Variants in NREP observed in about 807,000 individuals in gnomAD.
NREP encodes the protein neuronal regeneration-related protein.
In NREP, 5 loss-of-function variants were observed where a neutral mutation model predicts 8.6. The ratio of observed to expected loss-of-function variants is 0.58; its 90% confidence interval spans 0.30 to 1.22. NREP has a LOEUF of 1.22. Ranked by LOEUF, NREP falls within the 50% of genes most tolerant of loss-of-function variation. The pLI, the probability that NREP is intolerant of heterozygous loss-of-function variation, is 0.07. For missense variants in NREP, 86 were observed against 82.5 expected, an observed-to-expected ratio of 1.04 and a Z score of -0.17; for synonymous variants, 27 against 28.0, an observed-to-expected ratio of 0.96 and a Z score of 0.11.
At chr5:111,839,319 C>T (rs570837334) in intron 2 of NREP, among the ~76,000 whole-genome samples, 35 of 152,088 alleles carry the variant, frequency 2.3e-4, no homozygotes, top group Non-Finnish European at 4.7e-4. Context: ...GCATGAAGGG[C>T]AATGACCAGA....
At chr5:111,903,178 G>A (rs1196307831) in intron 2 of NREP, among the ~76,000 whole-genome samples, 1 of 150,392 alleles carries the variant, frequency 6.6e-6, no homozygotes, top group African/African-American at 2.5e-5. Flanking sequence ...CCACCTCCCG[G>A]GTTCAAATGA....
chr5:111,965,090 GC>G (rs946757471), intron 2 of NREP, among the ~76,000 whole-genome samples: 3 of 151,772 alleles, frequency 2.0e-5, no homozygotes, highest in African/African-American at 7.3e-5. Context: ...CTCAGGCCAG[GC>G]CCCTCATAAT....
rs868617852 is a variant in NREP at position 111,844,834 on chromosome 5, T to A, written c.136-109327A>T. Among the ~76,000 whole-genome samples the A allele has an allele frequency of 4.6e-5, 7 of 151,228 alleles. No individual in the cohort carries two copies. In the South Asian group the frequency reaches 1.5e-3, roughly 32 times the overall value. On this transcript the variant is annotated intron_variant, in intron 2 of 3. Transcript: ENST00000395634. ...ATTCCTAACAAGGGCTATGTGCACT[T>A]GTTATATGCAAATTGTGTGAATTGT...
intron 2 of NREP, among the ~76,000 whole-genome samples, chr5:111,907,781 C>T (rs1045946663): frequency 6.6e-6 from 1 of 151,976 alleles, no homozygotes; most frequent in Admixed American, 6.6e-5. Flanking sequence ...CTTAATAAGA[C>T]ACTTCTTCCA....
chr5:111,844,207 T>G (rs1266676043), intron 2 of NREP, among the ~76,000 whole-genome samples: 1 of 152,140 alleles, frequency 6.6e-6, no homozygotes, highest in African/African-American at 2.4e-5. Context: ...AAGTATAAAA[T>G]GTGTAAAATT....
chr5:111,953,574 TTAAG>T (rs1756226202), intron 2 of NREP, among the ~76,000 whole-genome samples: 1 of 152,070 alleles, frequency 6.6e-6, no homozygotes, highest in Non-Finnish European at 1.5e-5. Context: ...CTCTGTAAGT[TTAAG>T]TAGTGAGAAT....
chr5:111,789,384 T>C (rs1581119018), intron 2 of NREP, among the ~76,000 whole-genome samples: 1 of 152,240 alleles, frequency 6.6e-6, no homozygotes, highest in Non-Finnish European at 1.5e-5. Context: ...ATATTTTTAA[T>C]GTGTATTATT....
chr5:111,844,762 T>G (rs1018278586), intron 2 of NREP, among the ~76,000 whole-genome samples: 9 of 149,510 alleles, frequency 6.0e-5, no homozygotes, highest in Admixed American at 4.0e-4. Context: ...CTTTTGAAAT[T>G]TCTGCTCTCA....
intron 2 of NREP, among the ~76,000 whole-genome samples, chr5:111,968,983 C>G (rs984689098): frequency 3.3e-5 from 5 of 152,140 alleles, no homozygotes; most frequent in African/African-American, 4.8e-5. Flanking sequence ...AGTTAAAGAA[C>G]TGACTTAGGA....
chr5:111,932,035 C>A (rs1222259771), intron 2 of NREP, among the ~76,000 whole-genome samples: 2 of 147,536 alleles, frequency 1.4e-5, no homozygotes, highest in African/African-American at 5.0e-5. Flanking sequence ...ATGATACTAA[C>A]TGATATTCTA....
At chr5:111,777,280 G>T (rs1751386322) in intron 2 of NREP, among the ~76,000 whole-genome samples, 1 of 152,034 alleles carries the variant, frequency 6.6e-6, no homozygotes, top group Non-Finnish European at 1.5e-5. Flanking sequence ...TAGAGTATGA[G>T]AATTTAATTC....
intron 2 of NREP, 111 bp from the exon 3 acceptor site, chr5:111,735,618 C>CT: frequency 1.4e-6 from 1 of 728,378 alleles, no homozygotes; most frequent in South Asian, 1.8e-5. Context: ...TTATTCCCGA[C>CT]TACCACTTAG....
chr5:111,753,009 G>A (rs1412916759), intron 2 of NREP, among the ~76,000 whole-genome samples: 2 of 151,688 alleles, frequency 1.3e-5, no homozygotes, highest in Admixed American at 6.6e-5. Context: ...TTAGCAGAAA[G>A]CCAAATGTAA....
At chr5:111,871,595 G>A (rs1033847160) in intron 2 of NREP, among the ~76,000 whole-genome samples, 1 of 151,776 alleles carries the variant, frequency 6.6e-6, no homozygotes, top group Non-Finnish European at 1.5e-5. Context: ...ACTATTGTAA[G>A]CTTAAAACAC....
At chr5:111,864,869 C>T (rs888639706) in intron 2 of NREP, among the ~76,000 whole-genome samples, 10 of 152,006 alleles carry the variant, frequency 6.6e-5, no homozygotes, top group African/African-American at 2.2e-4. Flanking sequence ...GGAACTCTTT[C>T]AGCATGTATT....
chr5:111,907,527 C>T (rs886358577), intron 2 of NREP, among the ~76,000 whole-genome samples: 1 of 152,046 alleles, frequency 6.6e-6, no homozygotes, highest in Non-Finnish European at 1.5e-5. Context: ...CTTTTCTGCT[C>T]CATTAGCCTA....
chr5:111,864,564 C>T (rs115956191), intron 2 of NREP, among the ~76,000 whole-genome samples: 1,877 of 151,682 alleles, frequency 0.012, 20 homozygotes, highest in Non-Finnish European at 0.018. Context: ...AAAACTGGAG[C>T]GGGGTGAAGT....
upstream of NREP, among the ~76,000 whole-genome samples, chr5:111,762,043 A>C (rs1581098370): frequency 6.6e-6 from 1 of 152,286 alleles, no homozygotes; most frequent in East Asian, 1.9e-4. Context: ...ATTTCAGAGA[A>C]TATTAGAGTA....
chr5:111,882,643 T>C (rs1754115204), intron 2 of NREP, among the ~76,000 whole-genome samples: 2 of 152,270 alleles, frequency 1.3e-5, no homozygotes, highest in Admixed American at 1.3e-4. Flanking sequence ...CGGCAGAAAC[T>C]CTACAAGCCA....
Sources: gnomAD v4.1 joint callset for allele counts (sites outside exome capture counted in the v4.1 genomes callset) on GRCh38, gnomAD v4.1.1 for gene constraint, MANE v1.5 for transcripts, NCBI Gene and HGNC (gene_info 2026-07-23, HGNC 2026-07-21) for gene names.